GALNT17: variants seen among roughly 807,000 people sequenced by gnomAD.
GALNT17 encodes the protein UDP-GalNAc:polypeptide N-acetylgalactosaminyltransferase-like 3.
A neutral mutation model predicts 63.7 loss-of-function variants in GALNT17; 29 were observed. That is an observed-to-expected ratio of 0.46 (90% confidence interval 0.34 to 0.62). GALNT17 has a LOEUF of 0.62. GALNT17 is among the 20% of genes least tolerant of loss of function. The pLI is 0.01. For missense variants in GALNT17, 603 were observed against 799.6 expected, an observed-to-expected ratio of 0.75 and a Z score of 2.97; for synonymous variants, 305 against 318.3, an observed-to-expected ratio of 0.96 and a Z score of 0.45.
chr7:71,285,951 A>G (rs1790865171), intron 1 of GALNT17, among the ~76,000 whole-genome samples: 1 of 152,200 alleles, frequency 6.6e-6, no homozygotes, highest in African/African-American at 2.4e-5. Context: ...AATATATGGA[A>G]GACTGGAAAC....
intron 1 of GALNT17, among the ~76,000 whole-genome samples, chr7:71,172,243 A>T (rs1454338605): frequency 6.6e-6 from 1 of 152,016 alleles, no homozygotes; most frequent in African/African-American, 2.4e-5. Flanking sequence ...AGGTGGGAGG[A>T]TTGCTTGAGC....
intron 5 of GALNT17, among the ~76,000 whole-genome samples, chr7:71,552,362 G>A (rs1789095010): frequency 6.6e-6 from 1 of 151,672 alleles, no homozygotes; most frequent in South Asian, 2.1e-4. Flanking sequence ...CTTGTTATAT[G>A]CTAGGAAGGC....
At chr7:71,555,385 T>G (rs1443739489) in intron 5 of GALNT17, among the ~76,000 whole-genome samples, 1 of 147,052 alleles carries the variant, frequency 6.8e-6, no homozygotes, top group Non-Finnish European at 1.5e-5. Flanking sequence ...TGAACAGAGG[T>G]CATTTTTCAA....
At chr7:71,375,351 T>C (rs962329415) in intron 2 of GALNT17, among the ~76,000 whole-genome samples, 4 of 152,142 alleles carry the variant, frequency 2.6e-5, no homozygotes, top group African/African-American at 9.7e-5. Context: ...TAACAACTTT[T>C]AGGACCAGTT....
chr7:71,168,705 A>ATGTGTG (rs10536926), intron 1 of GALNT17, among the ~76,000 whole-genome samples: 24,931 of 149,022 alleles, frequency 0.17, 3,080 homozygotes, highest in African/African-American at 0.35. Context: ...AGTTACGTGT[A>ATGTGTG]TGTGTGTGTG....
chr7:71,158,315 T>C (rs1176463974), intron 1 of GALNT17, among the ~76,000 whole-genome samples: 1 of 151,758 alleles, frequency 6.6e-6, no homozygotes, highest in Non-Finnish European at 1.5e-5. Flanking sequence ...TTGACTGCCT[T>C]CTTTGAGATT....
intron 1 of GALNT17, among the ~76,000 whole-genome samples, chr7:71,334,105 A>G (rs1563011034): frequency 6.6e-6 from 1 of 152,288 alleles, no homozygotes; most frequent in South Asian, 2.1e-4. Context: ...CCTGAAGAGC[A>G]TATTGGACGG....
chr7:71,551,180 T>C (rs905110500), intron 5 of GALNT17, among the ~76,000 whole-genome samples: 1 of 152,194 alleles, frequency 6.6e-6, no homozygotes, highest in African/African-American at 2.4e-5. Flanking sequence ...TTCTTCATAG[T>C]TTCTTCTGTC....
intron 1 of GALNT17, among the ~76,000 whole-genome samples, chr7:71,271,511 G>T (rs940380905): frequency 2.0e-5 from 3 of 152,208 alleles, no homozygotes; most frequent in African/African-American, 7.2e-5. Context: ...GTTTTTGAAA[G>T]AATCTGAGCT....
chr7:71,460,891 G>A (rs1787440931), intron 5 of GALNT17, among the ~76,000 whole-genome samples: 1 of 152,138 alleles, frequency 6.6e-6, no homozygotes, highest in Non-Finnish European at 1.5e-5. Context: ...TGGTTTTGGT[G>A]GGTTTTGGCC....
chr7:71,569,259 C>G (rs1189186016), intron 5 of GALNT17, among the ~76,000 whole-genome samples: 1 of 152,084 alleles, frequency 6.6e-6, no homozygotes, highest in South Asian at 2.1e-4. Context: ...CGTGAGTCAT[C>G]GTGCCCGGCT....
At chr7:71,337,469 A>C (rs1791928357) in intron 2 of GALNT17, among the ~76,000 whole-genome samples, 1 of 152,174 alleles carries the variant, frequency 6.6e-6, no homozygotes, top group South Asian at 2.1e-4. Context: ...TCTTGTTAGA[A>C]TTTTACTAGA....
chr7:71,267,037 A>G (rs374035890), intron 1 of GALNT17, among the ~76,000 whole-genome samples: 1 of 152,218 alleles, frequency 6.6e-6, no homozygotes, highest in East Asian at 1.9e-4. Flanking sequence ...TGGTCTTTGC[A>G]ACAATTTCAG....
intron 6 of GALNT17, among the ~76,000 whole-genome samples, chr7:71,617,821 A>AT (rs1790237173): frequency 6.6e-6 from 1 of 151,160 alleles, no homozygotes; most frequent in Non-Finnish European, 1.5e-5. Context: ...TTTTTTTTGT[A>AT]TTTTTAGTAG....
intron 5 of GALNT17, among the ~76,000 whole-genome samples, chr7:71,467,886 TG>T (rs1238205889): frequency 6.6e-6 from 1 of 152,134 alleles, no homozygotes; most frequent in East Asian, 1.9e-4. Flanking sequence ...CAAGGTGTAT[TG>T]GCTAGTGTCT....
At chr7:71,400,550 T>C (rs938154501) in intron 3 of GALNT17, among the ~76,000 whole-genome samples, 2 of 152,356 alleles carry the variant, frequency 1.3e-5, no homozygotes, top group South Asian at 2.1e-4. Context: ...TGATTCATTA[T>C]GCTTAGACTA....
Position 71,712,899 on chromosome 7 carries a change from G to C in GALNT17, c.*753G>C, listed in dbSNP as rs1400091392. On this transcript the variant is annotated 3_prime_UTR_variant, in exon 11 of 11. Coordinates refer to ENST00000333538, the MANE Select transcript of GALNT17 (RefSeq NM_022479.3). ...CCTGCAGTAGGATCTCAGCCACAAG[G>C]GCCCCGCAGGATGGAGCTGGGTCAA... The C allele has an allele frequency of 6.5e-6, 1 of 152,680 alleles. No individual in the cohort carries two copies. The highest frequency in any genetic ancestry group is 1.5e-5 in the Non-Finnish European group (1 of 68,148). 9.5% of individuals were successfully genotyped at this position (152,680 alleles called of 1,614,324 possible).
At chr7:71,349,599 T>C (rs916669764) in intron 2 of GALNT17, among the ~76,000 whole-genome samples, 1 of 152,228 alleles carries the variant, frequency 6.6e-6, no homozygotes, top group Non-Finnish European at 1.5e-5. Flanking sequence ...CAATGCTGTT[T>C]GGAGTTTCGT....
At chr7:71,420,250 G>A (rs544245285) in intron 4 of GALNT17, among the ~76,000 whole-genome samples, 6 of 152,284 alleles carry the variant, frequency 3.9e-5, no homozygotes, top group Admixed American at 2.0e-4. Flanking sequence ...CTGCAGCCTC[G>A]AGCTGGGGAA....
Sources: allele counts gnomAD v4.1 joint callset (sites outside exome capture counted in the v4.1 genomes callset), GRCh38; gene constraint gnomAD v4.1.1; transcripts MANE v1.5; gene names NCBI Gene and HGNC (gene_info 2026-07-23, HGNC 2026-07-21).